Variants in LGR6 observed in about 807,000 individuals in gnomAD.
LGR6 encodes the protein leucine-rich repeat-containing G protein-coupled receptor 6.
LGR6 carries 45 observed loss-of-function variants against 69.4 expected under a neutral mutation model. That is an observed-to-expected ratio of 0.65 (90% CI 0.51 to 0.83). LGR6 has a LOEUF of 0.83. LGR6 is among the 40% of genes least tolerant of loss of function. LGR6 has a pLI of 0.00. For missense variants in LGR6, 1,108 were observed against 1,246.7 expected (o/e 0.89, Z 1.68); for synonymous variants, 538 against 555.0 (o/e 0.97, Z 0.43).
intron 4 of LGR6, among the ~76,000 whole-genome samples, chr1:202,267,986 C>T (rs1252458819): frequency 3.9e-5 from 6 of 152,174 alleles, no homozygotes; most frequent in African/African-American, 1.4e-4. Flanking sequence ...TGGAAGCCTT[C>T]ATGAGACCAT....
chr1:202,235,688 T>C (rs1219821047), intron 3 of LGR6, among the ~76,000 whole-genome samples: 1 of 151,964 alleles, frequency 6.6e-6, no homozygotes, highest in Admixed American at 6.6e-5. Flanking sequence ...TCTGAGATGC[T>C]CTCCCTGAAC....
chr1:202,297,317 G>A lies in LGR6; in HGVS notation c.717-191G>A, dbSNP rs1005775611. 4.6e-5 allele frequency among the ~76,000 whole-genome samples: 7 copies of A among 152,328 alleles called. No homozygotes were observed. The East Asian group carries it at 7.7e-4, about 17-fold the overall frequency. ...AGTTCTGCAGCCAGGAAGATTCCAC[G>A]CCTGAGGATTTGTGGAATAGGATTG... On this transcript the variant is annotated intron_variant, in intron 6 of 17. Transcript: ENST00000367278.
At chr1:202,256,486 G>A (rs1663784232) in intron 4 of LGR6, among the ~76,000 whole-genome samples, 2 of 152,116 alleles carry the variant, frequency 1.3e-5, no homozygotes, top group Admixed American at 1.3e-4. Context: ...CAGGTGATCT[G>A]CCTGCCTCGG....
intron 17 of LGR6, among the ~76,000 whole-genome samples, chr1:202,316,592 G>T: frequency 6.6e-6 from 1 of 152,100 alleles, no homozygotes; most frequent in East Asian, 1.9e-4. Flanking sequence ...AAACCTATAT[G>T]TATGTATGTA....
At chr1:202,286,383 A>G (rs933290768) in intron 6 of LGR6, among the ~76,000 whole-genome samples, 4 of 152,238 alleles carry the variant, frequency 2.6e-5, no homozygotes, top group African/African-American at 7.2e-5. Context: ...TAAGAGAATT[A>G]GAAATATTTT....
intron 3 of LGR6, among the ~76,000 whole-genome samples, chr1:202,231,195 T>G (rs1441084423): frequency 1.3e-5 from 2 of 152,192 alleles, no homozygotes; most frequent in Non-Finnish European, 2.9e-5. Flanking sequence ...GTGTAGCCCT[T>G]TTCACCCTGT....
Position 202,277,367 on chromosome 1 carries a change from T to A in LGR6, c.644+846T>A, listed in dbSNP as rs369988498. On this transcript the variant is annotated intron_variant, in intron 5 of 17. Transcript: ENST00000367278. ...AATTTGTTTGTCTAATTCTCTGTCC[T>A]GGGAAGCTGGAGAACCAAGGTCAAT... Among the ~76,000 whole-genome samples, 13 of 151,230 alleles carry A rather than the reference T, an allele frequency of 8.6e-5. No homozygotes were observed. In the East Asian group the frequency reaches 1.2e-3, roughly 14 times the overall value.
In LGR6 at chr1:202,203,960, G is replaced by A. The variant is rs554303945; in HGVS notation, c.212+9759G>A. ...ATTTTATTTCCTGTGAAAATACCAG[G>A]TAGTATTATGTTCACTATGTCTTTG... On this transcript the variant is annotated intron_variant, in intron 1 of 17. Transcript: ENST00000367278. The A allele has an allele frequency of 2.0e-5, 18 of 905,460 alleles. No homozygotes were observed. In the East Asian group the frequency reaches 4.3e-4, roughly 22 times the overall value. 56.1% of individuals were successfully genotyped at this position (905,460 alleles called of 1,614,324 possible).
chr1:202,231,166 C>G lies in LGR6; in HGVS notation c.356+3159C>G, dbSNP rs184271602. 3.5e-4 allele frequency among the ~76,000 whole-genome samples: 54 copies of G among 152,368 alleles called. No individual in the cohort carries two copies. In the East Asian group the frequency reaches 9.2e-3, roughly 26 times the overall value. ...CTCCGGGACCCATCCCGGAGGAAAT[C>G]TCCCTGAGCCAACCTCTAGTGTAGC... is the stretch of plus-strand genomic sequence containing the variant. On this transcript the variant is annotated intron_variant, in intron 3 of 17. Coordinates refer to ENST00000367278, the MANE Select transcript of LGR6 (RefSeq NM_001017403.2).
intron 6 of LGR6, among the ~76,000 whole-genome samples, chr1:202,286,504 G>C (rs567330366): frequency 1.2e-4 from 18 of 152,216 alleles, no homozygotes; most frequent in Non-Finnish European, 4.4e-5. Context: ...AACTGAGACA[G>C]AAGGTGGATG....
intron 1 of LGR6, among the ~76,000 whole-genome samples, chr1:202,196,344 T>G (rs948772321): frequency 5.3e-5 from 8 of 152,102 alleles, no homozygotes; most frequent in Admixed American, 4.6e-4. Flanking sequence ...CACCTGAAGG[T>G]GGGGTTGAGA....
intron 1 of LGR6, among the ~76,000 whole-genome samples, chr1:202,212,451 G>C (rs1659499503): frequency 6.6e-6 from 1 of 152,226 alleles, no homozygotes; most frequent in Admixed American, 6.5e-5. Context: ...TAAAACAACA[G>C]AAGTTTATTC....
At chr1:202,286,060 C>A (rs1666371774) in intron 6 of LGR6, among the ~76,000 whole-genome samples, 2 of 152,304 alleles carry the variant, frequency 1.3e-5, no homozygotes, top group Non-Finnish European at 2.9e-5. Context: ...CTTGTAAGAA[C>A]ATTTGCCATT....
intron 1 of LGR6, among the ~76,000 whole-genome samples, chr1:202,206,957 AC>A (rs1250618657): frequency 6.6e-6 from 1 of 151,440 alleles, no homozygotes; most frequent in Non-Finnish European, 1.5e-5. Flanking sequence ...TCGCTCTGTC[AC>A]CCAGGCTGGA....
chr1:202,209,892 C>G (rs559685918), intron 1 of LGR6, among the ~76,000 whole-genome samples: 1 of 152,336 alleles, frequency 6.6e-6, no homozygotes, highest in South Asian at 2.1e-4. Context: ...GACAGCCACT[C>G]TCTACTCCAT....
chr1:202,233,108 C>A (rs1328078418), intron 3 of LGR6, among the ~76,000 whole-genome samples: 1 of 152,134 alleles, frequency 6.6e-6, no homozygotes, highest in Non-Finnish European at 1.5e-5. Context: ...GATGAGTTGT[C>A]TCGGGGAGAC....
Position 202,267,140 on chromosome 1 carries a change from G to A in LGR6, c.429-9166G>A, listed in dbSNP as rs139221426. On this transcript the variant is annotated intron_variant, in intron 4 of 17. Transcript: ENST00000367278. ...CACTTCAAGAGCTCAATAGCCACAG[G>A]GCGGATAATGAATATGTCTCTGCAG... Among the ~76,000 whole-genome samples, 33 of 152,286 alleles carry A rather than the reference G, an allele frequency of 2.2e-4. No homozygotes were observed. In the East Asian group the frequency reaches 6.2e-3, roughly 29 times the overall value.
intron 4 of LGR6, among the ~76,000 whole-genome samples, chr1:202,261,518 A>G (rs1188612997): frequency 1.3e-5 from 2 of 152,060 alleles, no homozygotes; most frequent in Non-Finnish European, 2.9e-5. Context: ...AGTCTGTGCT[A>G]TTGTGAATAG....
intron 1 of LGR6, among the ~76,000 whole-genome samples, chr1:202,204,524 A>AACACACACACCTCCTTCAAAC (rs1658994035): frequency 5.5e-4 from 1 of 1,814 alleles, no homozygotes; most frequent in Admixed American, 7.0e-3. Flanking sequence ...CACACCTCCA[A>AACACACACACCTCCTTCAAAC]ACACACACAC....
Sources: gnomAD v4.1 joint callset for allele counts (sites outside exome capture counted in the v4.1 genomes callset) on GRCh38, gnomAD v4.1.1 for gene constraint, MANE v1.5 for transcripts, NCBI Gene and HGNC (gene_info 2026-07-23, HGNC 2026-07-21) for gene names.